PLAGL1: variants seen among roughly 807,000 people sequenced by gnomAD.
PLAGL1 encodes PLAG1 like zinc finger 1.
PLAGL1 carries 1 observed loss-of-function variant against 4.6 expected under a neutral mutation model. The ratio of observed to expected loss-of-function variants is 0.22; its 90% CI spans 0.08 to 1.03. The LOEUF (loss-of-function observed/expected upper bound fraction) is 1.03. Ranked by LOEUF, PLAGL1 falls within the 50% of genes least tolerant of loss-of-function variation. The probability of loss-of-function intolerance (pLI) is 0.58; values close to 1 mark genes in which losing one functional copy is unlikely to be tolerated. For missense variants in PLAGL1, 464 were observed against 570.4 expected (o/e 0.81, Z 1.90); for synonymous variants, 240 against 237.8 (o/e 1.01, Z -0.08).
chr6:144,035,749 T>C (rs1041218355), intron 1 of PLAGL1, among the ~76,000 whole-genome samples: 2 of 152,372 alleles, frequency 1.3e-5, no homozygotes, highest in African/African-American at 4.8e-5. Context: ...CCTCATTTTC[T>C]TGTTTTTTCT....
rs1780568257 is a variant in PLAGL1, at chr6:143,949,541, TCTACCTGCCA to T, written c.-324-1091_-324-1082del. Among the ~76,000 whole-genome samples, 1 of 152,206 alleles carries T rather than the reference TCTACCTGCCA, an allele frequency of 6.6e-6. No individual in the cohort carries two copies. Among genetic ancestry groups the T allele is most frequent in the Non-Finnish European group, 1.5e-5 (1 of 68,038 alleles). ...TCTGACAGCAGGTTTCAAATCGGCCTCTACCTGCCACTACCTGCCAGGGTAAAGCCCTGGA... is the reference window on the plus strand; with the variant it reads ...TCTGACAGCAGGTTTCAAATCGGCCTCTACCTGCCAGGGTAAAGCCCTGGA... On this transcript the variant is annotated intron_variant, in intron 6 of 7. Transcript: ENST00000674357. The surrounding 1 kb of genome is among the most constrained non-coding windows in gnomAD (Gnocchi z 5.3).
intron 6 of PLAGL1, among the ~76,000 whole-genome samples, chr6:143,951,748 C>T (rs1281728445): frequency 6.6e-6 from 1 of 152,196 alleles, no homozygotes; most frequent in Non-Finnish European, 1.5e-5. Flanking sequence ...AAGTTTCCCT[C>T]AAAGACTAAA....
At chr6:144,024,454 G>A (rs949243194) in intron 1 of PLAGL1, among the ~76,000 whole-genome samples, 2 of 152,186 alleles carry the variant, frequency 1.3e-5, no homozygotes, top group African/African-American at 2.4e-5. Flanking sequence ...TCTTGTGGTA[G>A]TGAATAAGTC....
chr6:144,026,651 C>T (rs562115792), intron 1 of PLAGL1, among the ~76,000 whole-genome samples: 75 of 152,088 alleles, frequency 4.9e-4, no homozygotes, highest in Non-Finnish European at 1.0e-3. Flanking sequence ...TACCCAAGCC[C>T]GACTTGTCCA....
In PLAGL1 at chr6:143,952,018, T is replaced by A. The variant is rs535079724; in HGVS notation, c.-324-3558A>T. On this transcript the variant is annotated intron_variant, in intron 6 of 7. Coordinates refer to ENST00000674357, the MANE Select transcript of PLAGL1 (RefSeq NM_001317162.2). The surrounding 1 kb of genome is among the most constrained non-coding windows in gnomAD (Gnocchi z 6.1). ...AATACAAATATTTGTTTTCATGATA[T>A]AATAATAAACTTCTGTAAAAACAAG... is the stretch of plus-strand genomic sequence containing the variant. 6.7e-6 allele frequency among the ~76,000 whole-genome samples: 1 copy of A among 149,930 alleles called. No individual in the cohort carries two copies. Among genetic ancestry groups the A allele is most frequent in the Non-Finnish European group, 1.5e-5 (1 of 67,988 alleles).
intron 1 of PLAGL1, among the ~76,000 whole-genome samples, chr6:144,020,278 T>C (rs1433129776): frequency 6.8e-6 from 1 of 146,528 alleles, no homozygotes; most frequent in Non-Finnish European, 1.5e-5. Context: ...CACTTCCTTG[T>C]TTGTTTGTTT....
intron 7 of PLAGL1, among the ~76,000 whole-genome samples, chr6:143,943,308 T>C (rs1295856573): frequency 6.6e-6 from 1 of 152,134 alleles, no homozygotes; most frequent in Non-Finnish European, 1.5e-5. Context: ...TTCAAGTGAC[T>C]CAATTTGTCT....
chr6:144,063,360 C>G lies in PLAGL1; in HGVS notation c.-151+1108G>C, dbSNP rs1799577686. ...AGTTCTTCTCCTTCCTGATGCCTAA[C>G]TAGGCGTCCCCAGCCATATCCCCGG... On this transcript the variant is annotated intron_variant, in intron 1 of 3. Transcript: ENST00000437412. The surrounding 1 kb of genome is among the most constrained non-coding windows in gnomAD (Gnocchi z 5.7). Among the ~76,000 whole-genome samples, 1 of 152,150 alleles carries G rather than the reference C, an allele frequency of 6.6e-6. No homozygotes were observed. The highest frequency in any genetic ancestry group is 6.5e-5 in the Admixed American group (1 of 15,278).
rs1780328464 is a variant in PLAGL1, at chr6:143,948,694, GGA to G, written c.-324-236_-324-235del. Among the ~76,000 whole-genome samples the G allele has an allele frequency of 6.6e-6, 1 of 152,076 alleles. No homozygotes were observed. The highest frequency in any genetic ancestry group is 2.4e-5 in the African/African-American group (1 of 41,402). Reference sequence around the variant, plus strand: ...GTGGAGCACACTTTCCCTCTGGTAAGGAGAGTTCTTTCCACGGATCCAGTATT... The same window carrying G: ...GTGGAGCACACTTTCCCTCTGGTAAGGAGTTCTTTCCACGGATCCAGTATT... On this transcript the variant is annotated intron_variant, in intron 6 of 7. Transcript: ENST00000674357. The surrounding 1 kb of genome is among the most constrained non-coding windows in gnomAD (Gnocchi z 6.0).
rs991402869 is a variant in PLAGL1, at chr6:143,985,897, A to G, written c.-583-723T>C. On this transcript the variant is annotated intron_variant, in intron 1 of 7. Coordinates refer to ENST00000674357, the MANE Select transcript of PLAGL1 (RefSeq NM_001317162.2). This position sits in a 1 kb window ranked among gnomAD's most constrained non-coding sequence, Gnocchi z 4.4. ...GCCAAGCTACATATTATATATTATTATGTGTGTGTGTGTGTGTGTGTATAC... is the reference window on the plus strand; with the variant it reads ...GCCAAGCTACATATTATATATTATTGTGTGTGTGTGTGTGTGTGTGTATAC... Among the ~76,000 whole-genome samples, 6 of 140,042 alleles carry G rather than the reference A, an allele frequency of 4.3e-5. No homozygotes were observed. The highest frequency in any genetic ancestry group is 7.7e-5 in the Non-Finnish European group (5 of 65,254). 91.9% of individuals were successfully genotyped at this position (140,042 alleles called of 152,430 possible). A position where few individuals can be genotyped will look rare whatever the true frequency, so the allele number is the denominator to read the frequency against.
rs1185242933 is a variant in PLAGL1 at position 144,005,902 on chromosome 6, G to T, written c.-584+2188C>A. The T allele has an allele frequency of 6.6e-6, 1 of 151,944 alleles. No individual in the cohort carries two copies. The highest frequency in any genetic ancestry group is 2.1e-4 in the South Asian group (1 of 4,830). 9.4% of individuals were successfully genotyped at this position (151,944 alleles called of 1,614,324 possible). ...ATACAATATGTTAGCATTTTAAAAC[G>T]CTGAAAGTCTGTAAAGTTCTGTGAT... On this transcript the variant is annotated intron_variant, in intron 1 of 7. Coordinates refer to ENST00000674357, the MANE Select transcript of PLAGL1 (RefSeq NM_001317162.2). The surrounding 1 kb of genome is among the most constrained non-coding windows in gnomAD (Gnocchi z 4.6).
intron 7 of PLAGL1, among the ~76,000 whole-genome samples, chr6:143,944,780 A>T (rs2128509886): frequency 7.8e-6 from 1 of 127,590 alleles, no homozygotes; most frequent in Middle Eastern, 4.1e-3. Context: ...TCAGTATTTA[A>T]ACCTTTTTTT....
rs916348697 is a variant in PLAGL1 at position 144,004,750 on chromosome 6, T to A, written c.-584+3340A>T. Among the ~76,000 whole-genome samples the A allele has an allele frequency of 2.0e-4, 30 of 152,002 alleles. No homozygotes were observed. Among genetic ancestry groups the A allele is most frequent in the African/African-American group, 6.8e-4 (28 of 41,412 alleles). ...TAAAAAACATATGTAGAATTCAACA[T>A]GGATAAAAAATATATTAAATACATT... On this transcript the variant is annotated intron_variant, in intron 1 of 7. Transcript: ENST00000674357. This position sits in a 1 kb window ranked among gnomAD's most constrained non-coding sequence, Gnocchi z 4.2.
Position 143,982,722 on chromosome 6 carries a change from T to TAGAGGGTG in PLAGL1, c.-544+2405_-544+2412dup, listed in dbSNP as rs1788225997. On this transcript the variant is annotated intron_variant, in intron 2 of 7. Transcript: ENST00000674357. The surrounding 1 kb of genome is among the most constrained non-coding windows in gnomAD (Gnocchi z 5.3). ...CAGTATCTCCTGACAGCTGAATGTG[T>TAGAGGGTG]AGAGGGTGAGAGAGACGAAATGAGG... Among the ~76,000 whole-genome samples, 1 of 151,940 alleles carries TAGAGGGTG rather than the reference T, an allele frequency of 6.6e-6. No homozygotes were observed. Among genetic ancestry groups the TAGAGGGTG allele is most frequent in the South Asian group, 2.1e-4 (1 of 4,810 alleles).
intron 1 of PLAGL1, among the ~76,000 whole-genome samples, chr6:144,038,064 G>T (rs955504867): frequency 2.0e-5 from 3 of 152,228 alleles, no homozygotes; most frequent in Non-Finnish European, 4.4e-5. Flanking sequence ...ACAGATAGTA[G>T]TTGGAGTCTC....
chr6:143,999,890 T>A (rs1247942519), intron 1 of PLAGL1, among the ~76,000 whole-genome samples: 1 of 152,192 alleles, frequency 6.6e-6, no homozygotes, highest in African/African-American at 2.4e-5. Context: ...TTACCCCTTT[T>A]TATGTATTAA....
intron 1 of PLAGL1, among the ~76,000 whole-genome samples, chr6:144,045,265 C>T (rs886928525): frequency 1.2e-4 from 19 of 152,038 alleles, no homozygotes; most frequent in African/African-American, 4.6e-4. Flanking sequence ...ATTGATGCAG[C>T]TTCTTCCTAG....
intron 1 of PLAGL1, chr6:144,007,264 G>A (rs1794426858): frequency 6.6e-6 from 1 of 152,162 alleles, no homozygotes; most frequent in South Asian, 2.1e-4. Flanking sequence ...TGAGCCCAGC[G>A]AGACCGGTGG....
chr6:144,023,217 C>T (rs1440114043), intron 1 of PLAGL1, among the ~76,000 whole-genome samples: 3 of 152,004 alleles, frequency 2.0e-5, no homozygotes, highest in Non-Finnish European at 1.5e-5. Flanking sequence ...TCAAACTCAC[C>T]AGGAGTTTGT....
Sources: gnomAD v4.1 joint callset for allele counts (sites outside exome capture counted in the v4.1 genomes callset) on GRCh38, gnomAD v4.1.1 for gene constraint, Gnocchi (gnomAD v3.1) non-coding constraint, MANE v1.5 for transcripts, NCBI Gene and HGNC (gene_info 2026-07-23, HGNC 2026-07-21) for gene names.